The following VPS41 variants were observed in gnomAD, a reference collection of about 807,000 sequenced individuals.
VPS41 encodes VPS41 subunit of HOPS complex, also known as vacuolar protein sorting-associated protein 41 homolog.
In VPS41, 85 loss-of-function variants were observed where a neutral mutation model predicts 130.9. That is an observed-to-expected ratio of 0.65 (90% CI 0.55 to 0.78). The LOEUF (loss-of-function observed/expected upper bound fraction) is 0.78. VPS41 is among the 30% of genes least tolerant of loss of function. The probability of loss-of-function intolerance (pLI) is 0.00; values close to 1 mark genes in which losing one functional copy is unlikely to be tolerated. For synonymous variants in VPS41, 335 were observed against 332.9 expected, an observed-to-expected ratio of 1.01 and a Z score of -0.07; for missense variants, 874 against 1,018.7, an observed-to-expected ratio of 0.86 and a Z score of 1.93.
intron 7 of VPS41, among the ~76,000 whole-genome samples, chr7:38,814,542 C>T (rs1225499142): frequency 2.0e-5 from 3 of 151,940 alleles, no homozygotes; most frequent in Admixed American, 1.3e-4. Context: ...CCCAGCTACT[C>T]GGGAGGCTGA....
At chr7:38,864,448 A>C (rs941463592) in intron 3 of VPS41, among the ~76,000 whole-genome samples, 5 of 152,326 alleles carry the variant, frequency 3.3e-5, no homozygotes, top group Middle Eastern at 3.4e-3. Flanking sequence ...TGGAAAAAAA[A>C]GATTCAGTGA....
intron 9 of VPS41, among the ~76,000 whole-genome samples, chr7:38,792,796 A>G (rs1784557481): frequency 6.6e-6 from 1 of 151,944 alleles, no homozygotes; most frequent in African/African-American, 2.4e-5. Flanking sequence ...GGGCTCCAAC[A>G]TCACCTGCTC....
intron 2 of VPS41, among the ~76,000 whole-genome samples, chr7:38,870,038 T>C (rs751101608): frequency 6.6e-6 from 1 of 152,184 alleles, no homozygotes; most frequent in Non-Finnish European, 1.5e-5. Context: ...CTACAGCCAC[T>C]TTCTTCCTGG....
At chr7:38,781,305 G>A (rs1784350438) in intron 10 of VPS41, among the ~76,000 whole-genome samples, 1 of 152,148 alleles carries the variant, frequency 6.6e-6, no homozygotes, top group Admixed American at 6.5e-5. Context: ...ATCCACACTA[G>A]CCATACCACA....
chr7:38,901,073 CA>C (rs1034215385), intron 1 of VPS41, among the ~76,000 whole-genome samples: 2 of 152,132 alleles, frequency 1.3e-5, no homozygotes, highest in African/African-American at 4.8e-5. Flanking sequence ...AATCTAACTT[CA>C]AATCCTGAAA....
At chr7:38,763,810 T>A (rs538624304) in intron 16 of VPS41, among the ~76,000 whole-genome samples, 1 of 152,264 alleles carries the variant, frequency 6.6e-6, no homozygotes, top group African/African-American at 2.4e-5. Flanking sequence ...TCCTGATGAG[T>A]TAATAGAAAT....
In VPS41 at chr7:38,724,474, G is replaced by C. The variant is rs1795497129; in HGVS notation, c.*1772C>G. On this transcript the variant is annotated 3_prime_UTR_variant, in exon 29 of 29. Coordinates refer to ENST00000310301, the MANE Select transcript of VPS41 (RefSeq NM_014396.4). Reference sequence around the variant, plus strand: ...TTCAATAATAACAAAGAGCCTTCCAGTTCTAAGTATTTGTGACTAACAACA... The same window carrying C: ...TTCAATAATAACAAAGAGCCTTCCACTTCTAAGTATTTGTGACTAACAACA... 1.3e-5 allele frequency: 2 copies of C among 152,208 alleles called. No homozygotes were observed. The highest frequency in any genetic ancestry group is 6.5e-5 in the Admixed American group (1 of 15,282). 9.4% of individuals were successfully genotyped at this position (152,208 alleles called of 1,614,324 possible).
chr7:38,780,771 G>A (rs1784342011), intron 10 of VPS41, among the ~76,000 whole-genome samples: 1 of 152,188 alleles, frequency 6.6e-6, no homozygotes, highest in East Asian at 1.9e-4. Flanking sequence ...CCCAGTGTTG[G>A]ACGAGGGGCC....
At chr7:38,871,253 T>C (rs373968980) in intron 2 of VPS41, among the ~76,000 whole-genome samples, 5 of 152,078 alleles carry the variant, frequency 3.3e-5, no homozygotes, top group African/African-American at 1.2e-4. Context: ...ACTTGTAGAG[T>C]AATAAGTGCT....
rs138725847 is a variant in VPS41, at chr7:38,838,168, C to A, written c.247-7840G>T. Among the ~76,000 whole-genome samples, 375 of 152,072 alleles carry A rather than the reference C, an allele frequency of 2.5e-3. 14 individuals carry two copies. The East Asian group carries it at 0.068, about 28-fold the overall frequency. ...ATAATCCTATAAAAGAAACAAATGC[C>A]TTACGTACATCTACCATTTCTATAC... On this transcript the variant is annotated intron_variant, in intron 4 of 28. Transcript: ENST00000310301.
In VPS41 at chr7:38,765,568, G is replaced by A. The variant is rs369052050; in HGVS notation, c.1329+12C>T. The A allele has an allele frequency of 9.4e-5, 145 of 1,542,446 alleles. No individual in the cohort carries two copies. Among genetic ancestry groups the A allele is most frequent in the Non-Finnish European group, 1.2e-4 (139 of 1,132,396 alleles). On this transcript the variant is annotated intron_variant, in intron 16 of 28. Transcript: ENST00000310301. ...TGCAGAAACTGAGAGTTAAAAATAA[G>A]GCTTTGCTTACCTTAAGCTGTCCAA...
chr7:38,806,111 T>A (rs1314166522), intron 7 of VPS41, among the ~76,000 whole-genome samples: 3 of 152,260 alleles, frequency 2.0e-5, no homozygotes, highest in Non-Finnish European at 2.9e-5. Flanking sequence ...GGAGTATCTT[T>A]ATATATCAGA....
At chr7:38,729,828 T>A (rs1420175356) in intron 25 of VPS41, among the ~76,000 whole-genome samples, 2 of 152,214 alleles carry the variant, frequency 1.3e-5, no homozygotes, top group Non-Finnish European at 2.9e-5. Context: ...GGGCACAGTG[T>A]GAGCTCCCAC....
chr7:38,820,908 T>C (rs1785156185), intron 6 of VPS41, among the ~76,000 whole-genome samples: 2 of 152,128 alleles, frequency 1.3e-5, no homozygotes, highest in African/African-American at 4.8e-5. Flanking sequence ...TCCTACCTCT[T>C]TGAGTCTTTT....
chr7:38,738,291 T>G (rs1258314717), intron 25 of VPS41, among the ~76,000 whole-genome samples: 2 of 152,226 alleles, frequency 1.3e-5, no homozygotes. Flanking sequence ...AAAAAAGGCA[T>G]GAGATTTAGT....
intron 2 of VPS41, among the ~76,000 whole-genome samples, chr7:38,872,609 C>CA (rs1212455015): frequency 6.6e-6 from 1 of 152,026 alleles, no homozygotes; most frequent in African/African-American, 2.4e-5. Context: ...CTAATAGCAA[C>CA]AAAAGGGAAG....
At chr7:38,735,305 A>G (rs937157487) in intron 25 of VPS41, among the ~76,000 whole-genome samples, 3 of 152,174 alleles carry the variant, frequency 2.0e-5, no homozygotes, top group African/African-American at 7.2e-5. Flanking sequence ...ACGTAGGCCC[A>G]AAAAAAGGTT....
At chr7:38,864,036 A>T (rs922621855) in intron 3 of VPS41, among the ~76,000 whole-genome samples, 5 of 152,346 alleles carry the variant, frequency 3.3e-5, no homozygotes, top group Non-Finnish European at 7.3e-5. Context: ...AACACCACAT[A>T]CGATAAGAAT....
chr7:38,773,985 C>T (rs1584389050), intron 12 of VPS41, 130 bp downstream of exon 12: 1 of 872,202 alleles, frequency 1.1e-6, no homozygotes, highest in Non-Finnish European at 1.7e-6. Context: ...GTTTTCAGCA[C>T]ACACAGTCTA....
Sources: allele counts gnomAD v4.1 joint callset (sites outside exome capture counted in the v4.1 genomes callset), GRCh38; gene constraint gnomAD v4.1.1; transcripts MANE v1.5; gene names NCBI Gene and HGNC (gene_info 2026-07-23, HGNC 2026-07-21).